Variants in ZFAND6 observed in about 807,000 individuals in gnomAD.
ZFAND6 encodes zinc finger AN1-type containing 6, also known as AN1-type zinc finger protein 6.
A neutral mutation model predicts 24.5 loss-of-function variants in ZFAND6; 12 were observed. The ratio of observed to expected loss-of-function variants is 0.49; its 90% CI spans 0.31 to 0.79. The LOEUF is 0.79. ZFAND6 is among the 30% of genes least tolerant of loss of function. The pLI is 0.04. For synonymous variants in ZFAND6, 92 were observed against 81.5 expected (o/e 1.13, Z -0.69); for missense variants, 207 against 245.9 (o/e 0.84, Z 1.06).
chr15:80,080,827 A>G (rs1386442635), intron 1 of ZFAND6, among the ~76,000 whole-genome samples: 2 of 152,224 alleles, frequency 1.3e-5, no homozygotes, highest in African/African-American at 4.8e-5. Flanking sequence ...GGAGCTAAAG[A>G]GAGTGGGGTG....
rs141997499 is a variant in ZFAND6, at chr15:80,078,285, C to A, written c.-181+18476C>A. Reference sequence around the variant, plus strand: ...GTCCTTGTGTACTCAGTGCTTAGTTCCCATTTATAAGTGACAACGTGGTAT... The same window carrying A: ...GTCCTTGTGTACTCAGTGCTTAGTTACCATTTATAAGTGACAACGTGGTAT... On this transcript the variant is annotated intron_variant, in intron 1 of 6. Transcript: ENST00000261749. 7.4e-4 allele frequency among the ~76,000 whole-genome samples: 112 copies of A among 152,278 alleles called. 2 individuals are homozygous for A. In the East Asian group the frequency reaches 0.018, roughly 25 times the overall value.
intron 5 of ZFAND6, 98 bp from the exon 6 acceptor site, chr15:80,131,082 C>G (rs2040578611): frequency 1.2e-6 from 1 of 863,330 alleles, no homozygotes; most frequent in Admixed American, 2.6e-5. Context: ...CTAATAAATT[C>G]CTCAGTATCC....
intron 1 of ZFAND6, among the ~76,000 whole-genome samples, chr15:80,088,074 A>G (rs528013326): frequency 9.2e-5 from 14 of 152,298 alleles, no homozygotes; most frequent in Non-Finnish European, 1.8e-4. Context: ...ATGCAATAAT[A>G]TTATTTAATA....
chr15:80,128,168 G>A lies in ZFAND6; in HGVS notation c.365-3012G>A, dbSNP rs374534016. ...GAAAGATTAGTGGTTGCCAGAAACC[G>A]TGGGAAGTGGGGAGTAATTGCTAAT... On this transcript the variant is annotated intron_variant, in intron 5 of 6. Coordinates refer to ENST00000261749, the MANE Select transcript of ZFAND6 (RefSeq NM_019006.4). Among the ~76,000 whole-genome samples, 12 of 152,344 alleles carry A rather than the reference G, an allele frequency of 7.9e-5. No homozygotes were observed. The East Asian group carries it at 1.9e-3, about 24-fold the overall frequency.
At chr15:80,092,495 A>G (rs1182985546) in intron 1 of ZFAND6, among the ~76,000 whole-genome samples, 1 of 152,202 alleles carries the variant, frequency 6.6e-6, no homozygotes, top group Non-Finnish European at 1.5e-5. Context: ...TGTGCTATTT[A>G]AAACATATCA....
At chr15:80,134,420 G>T (rs987976571) in intron 6 of ZFAND6, among the ~76,000 whole-genome samples, 3 of 152,186 alleles carry the variant, frequency 2.0e-5, no homozygotes, top group Admixed American at 2.0e-4. Flanking sequence ...GTCAGGGGTC[G>T]TAAAGACCTT....
chr15:80,093,075 C>G (rs1596246613), intron 1 of ZFAND6, among the ~76,000 whole-genome samples: 1 of 151,882 alleles, frequency 6.6e-6, no homozygotes. Flanking sequence ...CTGCCTCAGC[C>G]TCCCGAGTAG....
chr15:80,072,128 A>G (rs1372073186), intron 1 of ZFAND6, among the ~76,000 whole-genome samples: 2 of 152,156 alleles, frequency 1.3e-5, no homozygotes, highest in Admixed American at 6.5e-5. Context: ...TCTTAGCAAC[A>G]TATTGTAATG....
chr15:80,128,853 A>G (rs145381029), intron 5 of ZFAND6, among the ~76,000 whole-genome samples: 4 of 152,362 alleles, frequency 2.6e-5, no homozygotes, highest in Admixed American at 2.6e-4. Context: ...TGAGATATGC[A>G]GTAGTATTTG....
Position 80,131,194 on chromosome 15 carries a change from A to G in ZFAND6, c.379A>G (p.Thr127Ala), listed in dbSNP as rs1164259359. 3 of 1,597,000 alleles carry G rather than the reference A, an allele frequency of 1.9e-6. No homozygotes were observed. The African/African-American group carries it at 4.0e-5, about 21-fold the overall frequency. ...ATTTTTGTTAGCTTCAGTATCAGAC[A>G]CAGCACAGCAGCCATCTGAAGAGCA... ...TEDVQASVSDTAQQPSEEQSK... is the reference protein window; with the variant it reads ...TEDVQASVSDAAQQPSEEQSK... The change falls in exon 6 of 7, where the codon ACA becomes GCA. Residue 127 changes from threonine (T) to alanine (A), a missense_variant. Physicochemically the swap from Thr to Ala is moderately conservative, Grantham distance 58. Coordinates refer to ENST00000261749, the MANE Select transcript of ZFAND6 (RefSeq NM_019006.4).
intron 1 of ZFAND6, among the ~76,000 whole-genome samples, chr15:80,082,989 T>TTTTA (rs922141929): frequency 1.2e-4 from 19 of 152,164 alleles, no homozygotes; most frequent in South Asian, 8.3e-4. Flanking sequence ...ACATATGTTA[T>TTTTA]TTTATTTATT....
At position 80,131,072 on chromosome 15, in the gene ZFAND6, C is replaced by CTAA. The variant is rs2040578315; in HGVS notation, c.365-104_365-102dup. On this transcript the variant is annotated intron_variant, in intron 5 of 6. Transcript: ENST00000261749. ...GTAATTTAATGACTAGTTTTCTGTG[C>CTAA]TAATAAATTCCTCAGTATCCTCTGA... The CTAA allele has an allele frequency of 6.4e-6, 5 of 783,192 alleles. No homozygotes were observed. In the Admixed American group the frequency reaches 1.4e-4, roughly 22 times the overall value. The allele number at this position is 783,192 out of a possible 1,614,324, so 48.5% of individuals were successfully genotyped here.
intron 1 of ZFAND6, among the ~76,000 whole-genome samples, chr15:80,084,449 G>A (rs2141869739): frequency 6.6e-6 from 1 of 152,288 alleles, no homozygotes; most frequent in Middle Eastern, 3.4e-3. Context: ...TTTGGAAAAA[G>A]GATATACTTC....
chr15:80,071,314 C>T (rs1222781473), intron 1 of ZFAND6, among the ~76,000 whole-genome samples: 1 of 151,998 alleles, frequency 6.6e-6, no homozygotes, highest in Non-Finnish European at 1.5e-5. Flanking sequence ...TGATGCAAAC[C>T]ATACATTGAA....
At chr15:80,127,269 C>T (rs2040406284) in intron 5 of ZFAND6, among the ~76,000 whole-genome samples, 1 of 151,876 alleles carries the variant, frequency 6.6e-6, no homozygotes, top group African/African-American at 2.4e-5. Context: ...AAAAGATATA[C>T]AAGTTTCCAA....
intron 1 of ZFAND6, among the ~76,000 whole-genome samples, chr15:80,074,395 C>T (rs745402695): frequency 6.6e-6 from 1 of 151,764 alleles, no homozygotes; most frequent in Non-Finnish European, 1.5e-5. Context: ...CTGGTAAGCA[C>T]ATACCAGAAG....
intron 2 of ZFAND6, among the ~76,000 whole-genome samples, chr15:80,118,016 T>TTGTGTGTGTGTGTGTGTGTG (rs71455308): frequency 1.5e-4 from 22 of 150,420 alleles, no homozygotes; most frequent in African/African-American, 4.9e-4. Context: ...AGGTATTGAA[T>TTGTGTGTGTGTGTGTGTGTG]TGTGTGTGTG....
At chr15:80,092,899 ATACCCAATT>A (rs900644095) in intron 1 of ZFAND6, among the ~76,000 whole-genome samples, 1 of 152,124 alleles carries the variant, frequency 6.6e-6, no homozygotes, top group Non-Finnish European at 1.5e-5. Context: ...TGGTCTCAAA[ATACCCAATT>A]TACTGTAAGT....
intron 5 of ZFAND6, among the ~76,000 whole-genome samples, chr15:80,126,276 T>C (rs1443139434): frequency 2.6e-5 from 4 of 152,184 alleles, no homozygotes; most frequent in African/African-American, 4.8e-5. Flanking sequence ...GAAAGCTGTA[T>C]GGGTTTTAAA....
Sources: gnomAD v4.1 joint callset for allele counts (sites outside exome capture counted in the v4.1 genomes callset) on GRCh38, gnomAD v4.1.1 for gene constraint, MANE v1.5 for transcripts, NCBI Gene and HGNC (gene_info 2026-07-23, HGNC 2026-07-21) for gene names.